Variants in HJURP observed in about 807,000 individuals in gnomAD.
HJURP encodes Holliday junction recognition protein, also known as 14-3-3-associated AKT substrate.
In HJURP, 49 loss-of-function variants were observed where a neutral mutation model predicts 72.0. The ratio of observed to expected loss-of-function variants is 0.68; its 90% confidence interval spans 0.54 to 0.86. The LOEUF (loss-of-function observed/expected upper bound fraction) is 0.86. HJURP is among the 40% of genes least tolerant of loss of function. HJURP has a pLI of 0.00. For synonymous variants in HJURP, 357 were observed against 347.1 expected (o/e 1.03, Z -0.32); for missense variants, 908 against 936.3 (o/e 0.97, Z 0.39).
chr2:233,851,555 G>A (rs1336890371), intron 3 of HJURP, among the ~76,000 whole-genome samples: 1 of 151,814 alleles, frequency 6.6e-6, no homozygotes, highest in South Asian at 2.1e-4. Context: ...CAACAGGAGA[G>A]CAGTTAAAAA....
In HJURP at chr2:233,852,574, T is replaced by C; in HGVS notation, c.231A>G (p.Gly77=). ...GGRLIKERNE[G]EIQDSSMKPA... is the part of the protein sequence containing the mutation. ...ATTTGACACTAAATACCTGGATCTC[T>C]CCTTCGTTTCTTTCCTTTATTAGTC... Residue 77 remains glycine, a synonymous_variant, in exon 3 of 9, where the codon GGA becomes GGG. Coordinates refer to ENST00000411486, the MANE Select transcript of HJURP (RefSeq NM_018410.5). 1 of 1,600,604 alleles carries C rather than the reference T, an allele frequency of 6.2e-7. No individual in the cohort carries two copies. Among genetic ancestry groups the C allele is most frequent in the East Asian group, 2.2e-5 (1 of 44,824 alleles).
In HJURP at chr2:233,840,611, C is replaced by A. The variant is rs574081193; in HGVS notation, c.2169G>T (p.Glu723Asp). 2.8e-5 allele frequency: 45 copies of A among 1,579,590 alleles called. No homozygotes were observed. Among genetic ancestry groups the A allele is most frequent in the Non-Finnish European group, 3.4e-5 (40 of 1,167,516 alleles). ...TCAACCAACAGAAACACACCTACCT[C>A]TCTTCTGAGTTGGGCTGTGAAGAGC... ...QGSSSQPNSE[E>D]RGENTSYRME... The change falls in exon 8 of 9, where the codon GAG becomes GAT. Residue 723 changes from glutamate to aspartate, a missense_variant and splice_region_variant. Transcript: ENST00000411486.
rs546961260 is a variant in HJURP, at chr2:233,845,776, T to C, written c.447A>G (p.Lys149=). 1.6e-4 allele frequency: 254 copies of C among 1,613,668 alleles called. 5 individuals are homozygous for C. In the South Asian group the frequency reaches 2.7e-3, roughly 17 times the overall value. Residue 149 remains lysine (K), a synonymous_variant, in exon 6 of 9, where the codon AAA becomes AAG. Transcript: ENST00000411486. ...QSPLKNELRR[K]YLTQVDILLQ... ...GCAGTATATCCACTTGGGTCAAGTATTTCCTTCTTAATTCATTTTTCAAAG... is the reference window on the plus strand; with the variant it reads ...GCAGTATATCCACTTGGGTCAAGTACTTCCTTCTTAATTCATTTTTCAAAG...
intron 4 of HJURP, among the ~76,000 whole-genome samples, chr2:233,847,802 G>A (rs916976531): frequency 6.6e-6 from 1 of 152,152 alleles, no homozygotes; most frequent in Non-Finnish European, 1.5e-5. Context: ...GCTGTCCTAG[G>A]CCAGCCACTA....
chr2:233,837,345 T>G lies in HJURP; in HGVS notation c.*232A>C. ...CCCCCCCCCAAAAAAAACACACACATCAGAAAAACAGGCCTATCAAAGAGA... is the reference window on the plus strand; with the variant it reads ...CCCCCCCCCAAAAAAAACACACACAGCAGAAAAACAGGCCTATCAAAGAGA... On this transcript the variant is annotated 3_prime_UTR_variant, in exon 9 of 9. Transcript: ENST00000411486. 5.7e-5 allele frequency: 15 copies of G among 263,152 alleles called. No individual in the cohort carries two copies. Among genetic ancestry groups the G allele is most frequent in the East Asian group, 6.3e-5 (1 of 15,758 alleles). 16.3% of individuals were successfully genotyped at this position (263,152 alleles called of 1,614,324 possible). A position where few individuals can be genotyped will look rare whatever the true frequency, so the allele number is the denominator to read the frequency against.
Position 233,847,026 on chromosome 2 carries a change from C to T in HJURP, c.402+371G>A, listed in dbSNP as rs566798574. 2.6e-4 allele frequency among the ~76,000 whole-genome samples: 39 copies of T among 152,308 alleles called. 1 individual carries two copies. The South Asian group carries it at 7.9e-3, about 31-fold the overall frequency. On this transcript the variant is annotated intron_variant, in intron 5 of 8. Transcript: ENST00000411486. ...AGACCTGGAAATACTCCCTAGAACA[C>T]CTCTCTTTTTACCCTGCCCCTGTAG...
intron 4 of HJURP, among the ~76,000 whole-genome samples, chr2:233,848,227 G>A (rs1705415175): frequency 6.6e-6 from 1 of 152,054 alleles, no homozygotes; most frequent in African/African-American, 2.4e-5. Context: ...GGTGTTTAAA[G>A]GCTAGTGACA....
At chr2:233,839,533 C>T (rs1024537531) in intron 8 of HJURP, among the ~76,000 whole-genome samples, 3 of 152,220 alleles carry the variant, frequency 2.0e-5, no homozygotes, top group East Asian at 1.9e-4. Context: ...CACAGGAGGC[C>T]GCTGGCGGTC....
chr2:233,847,565 A>C (rs1251683022), intron 4 of HJURP, 104 bp from the exon 5 acceptor site: 9 of 959,776 alleles, frequency 9.4e-6, no homozygotes, highest in Non-Finnish European at 1.3e-5. Flanking sequence ...TACAGTAAAA[A>C]TCCCCATTGC....
At chr2:233,844,785 C>T (rs150422813) in intron 6 of HJURP, among the ~76,000 whole-genome samples, 20 of 136,512 alleles carry the variant, frequency 1.5e-4, no homozygotes, top group Non-Finnish European at 2.3e-4. Context: ...TGGTCAGCAG[C>T]ACAGTAAGAA....
At chr2:233,844,700 G>C (rs1705312577) in intron 6 of HJURP, among the ~76,000 whole-genome samples, 1 of 152,194 alleles carries the variant, frequency 6.6e-6, no homozygotes, top group Non-Finnish European at 1.5e-5. Flanking sequence ...GACACCACTT[G>C]CTGCCTTGGG....
At chr2:233,837,987 C>T (rs1574638691) in intron 8 of HJURP, among the ~76,000 whole-genome samples, 1 of 152,250 alleles carries the variant, frequency 6.6e-6, no homozygotes, top group Non-Finnish European at 1.5e-5. Context: ...GGAGAGACAG[C>T]CTGCCTATTG....
rs767113031 is a variant in HJURP at position 233,842,223 on chromosome 2, C to T, written c.575-18G>A. 5.1e-6 allele frequency: 8 copies of T among 1,581,844 alleles called. No individual in the cohort carries two copies. In the Admixed American group the frequency reaches 1.1e-4, roughly 21 times the overall value. On this transcript the variant is annotated intron_variant, in intron 7 of 8. Coordinates refer to ENST00000411486, the MANE Select transcript of HJURP (RefSeq NM_018410.5). Reference sequence around the variant, plus strand: ...GCAGTATCCTGGGAGAAAAGATACACATAAAGTAAAGGTGTGTTACCATTC... The same window carrying T: ...GCAGTATCCTGGGAGAAAAGATACATATAAAGTAAAGGTGTGTTACCATTC...
At chr2:233,851,586 TA>T (rs1470530378) in intron 3 of HJURP, among the ~76,000 whole-genome samples, 1 of 152,098 alleles carries the variant, frequency 6.6e-6, no homozygotes, top group Non-Finnish European at 1.5e-5. Flanking sequence ...TTTAAATAAT[TA>T]TATAATTTTA....
At chr2:233,839,827 CAA>C (rs1215885898) in intron 8 of HJURP, among the ~76,000 whole-genome samples, 2 of 152,172 alleles carry the variant, frequency 1.3e-5, no homozygotes, top group Non-Finnish European at 2.9e-5. Context: ...GCTGGAACCA[CAA>C]ACACACAAAA....
rs11563016 is a variant in HJURP, at chr2:233,846,722, C to A, written c.402+675G>T. On this transcript the variant is annotated intron_variant, in intron 5 of 8. Transcript: ENST00000411486. This position sits in a 1 kb window ranked among gnomAD's most constrained non-coding sequence, Gnocchi z 4.3. Reference sequence around the variant, plus strand: ...ACATGGGTGCGTGGGAAACCCTCTGCACAAAAGTAGCAATTTTAGAGGAAA... The same window carrying A: ...ACATGGGTGCGTGGGAAACCCTCTGAACAAAAGTAGCAATTTTAGAGGAAA... Among the ~76,000 whole-genome samples the A allele has an allele frequency of 0.056, 8,552 of 152,188 alleles. 833 individuals are homozygous for A. The highest frequency in any genetic ancestry group is 0.19 in the African/African-American group (8,087 of 41,480).
intron 2 of HJURP, among the ~76,000 whole-genome samples, 199 bp downstream of exon 2, chr2:233,853,645 T>A (rs1199179614): frequency 6.6e-6 from 1 of 152,276 alleles, no homozygotes; most frequent in Non-Finnish European, 1.5e-5. Flanking sequence ...CGGAGGCATG[T>A]GAGCCAGGAG....
At chr2:233,842,347 G>A (rs1023213916) in intron 7 of HJURP, 142 bp from the exon 8 acceptor site, 54 of 646,776 alleles carry the variant, frequency 8.3e-5, no homozygotes, top group Middle Eastern at 4.2e-4. Context: ...ATGTGTAGGA[G>A]TAGACTCTTC....
intron 4 of HJURP, 55 bp from the exon 5 acceptor site, chr2:233,847,516 CCT>C (rs1705393369): frequency 1.4e-6 from 2 of 1,459,096 alleles, no homozygotes; most frequent in South Asian, 1.1e-5. Flanking sequence ...AGTGCATTTT[CCT>C]CTCAAGGATG....
Sources: allele counts gnomAD v4.1 joint callset (sites outside exome capture counted in the v4.1 genomes callset), GRCh38; gene constraint gnomAD v4.1.1; non-coding constraint Gnocchi (gnomAD v3.1); transcripts MANE v1.5; gene names NCBI Gene and HGNC (gene_info 2026-07-23, HGNC 2026-07-21).